ARID5B: variants seen among roughly 807,000 people sequenced by gnomAD.
ARID5B encodes the protein AT-rich interaction domain 5B, also known as AT-rich interactive domain-containing protein 5B.
A neutral mutation model predicts 97.2 loss-of-function variants in ARID5B; 13 were observed. The observed-to-expected ratio is 0.13, with a 90% CI of 0.09 to 0.21. The LOEUF (loss-of-function observed/expected upper bound fraction) is 0.21, where lower values mean the gene tolerates loss of function less well. ARID5B is among the 10% of genes least tolerant of loss of function. ARID5B has a pLI of 1.00. For synonymous variants in ARID5B, 556 were observed against 570.3 expected, an observed-to-expected ratio of 0.97 and a Z score of 0.36; for missense variants, 1,210 against 1,465.3, an observed-to-expected ratio of 0.83 and a Z score of 2.84.
At chr10:61,921,307 C>T (rs1844010362) in intron 2 of ARID5B, among the ~76,000 whole-genome samples, 1 of 152,186 alleles carries the variant, frequency 6.6e-6, no homozygotes, top group Non-Finnish European at 1.5e-5. Flanking sequence ...TCTCAAAGCT[C>T]CAGTCAAGGT....
At chr10:62,059,760 A>G (rs1000345756) in intron 7 of ARID5B, among the ~76,000 whole-genome samples, 4 of 152,218 alleles carry the variant, frequency 2.6e-5, no homozygotes, top group African/African-American at 9.6e-5. Flanking sequence ...GCTTTATTAG[A>G]CAAGGGTCAG....
intron 3 of ARID5B, among the ~76,000 whole-genome samples, chr10:61,965,190 T>A (rs1191215754): frequency 1.3e-5 from 2 of 151,914 alleles, no homozygotes; most frequent in Non-Finnish European, 2.9e-5. Flanking sequence ...GGGCAGGGTA[T>A]TTTTTTTATA....
chr10:61,971,132 A>G (rs1485085603), intron 3 of ARID5B, among the ~76,000 whole-genome samples: 1 of 152,180 alleles, frequency 6.6e-6, no homozygotes, highest in Non-Finnish European at 1.5e-5. Flanking sequence ...AGAGAAACAT[A>G]TTTGGTTTAC....
At chr10:61,921,711 T>C (rs1844018004) in intron 2 of ARID5B, among the ~76,000 whole-genome samples, 1 of 152,202 alleles carries the variant, frequency 6.6e-6, no homozygotes, top group Non-Finnish European at 1.5e-5. Flanking sequence ...CAGGGGACCA[T>C]CTTCGAGGCC....
intron 3 of ARID5B, among the ~76,000 whole-genome samples, chr10:61,998,771 G>A (rs1225711783): frequency 6.6e-6 from 1 of 152,184 alleles, no homozygotes; most frequent in African/African-American, 2.4e-5. Context: ...AACGTTAAAA[G>A]AGAGGAGTAT....
chr10:61,998,375 C>T lies in ARID5B; in HGVS notation c.503-1716C>T, dbSNP rs1010562099. On this transcript the variant is annotated intron_variant, in intron 3 of 9. Coordinates refer to ENST00000279873, the MANE Select transcript of ARID5B (RefSeq NM_032199.3). ...AGGGCTTGAAATATTGAGTGTTTTC[C>T]CTTTGGAGAAGCAAGTGACATGTCT... 2.6e-5 allele frequency among the ~76,000 whole-genome samples: 4 copies of T among 152,114 alleles called. No homozygotes were observed. The South Asian group carries it at 8.3e-4, about 32-fold the overall frequency.
intron 2 of ARID5B, among the ~76,000 whole-genome samples, chr10:61,915,822 C>G (rs1439625662): frequency 6.6e-6 from 1 of 152,192 alleles, no homozygotes; most frequent in Non-Finnish European, 1.5e-5. Context: ...ATGGCACGAT[C>G]TCAGCTCACT....
intron 7 of ARID5B, among the ~76,000 whole-genome samples, chr10:62,065,869 AAC>A (rs1839980858): frequency 6.6e-6 from 1 of 151,258 alleles, no homozygotes; most frequent in Non-Finnish European, 1.5e-5. Flanking sequence ...AAAAAAAGGA[AAC>A]AAAGAGCCAG....
intron 2 of ARID5B, among the ~76,000 whole-genome samples, chr10:61,934,323 C>A (rs924230745): frequency 6.6e-6 from 1 of 152,212 alleles, no homozygotes; most frequent in South Asian, 2.1e-4. Context: ...GCCTTCTTAT[C>A]ATTTGTATGC....
intron 4 of ARID5B, among the ~76,000 whole-genome samples, chr10:62,001,503 T>C (rs1352267357): frequency 6.6e-6 from 1 of 152,204 alleles, no homozygotes; most frequent in Non-Finnish European, 1.5e-5. Context: ...CTGCTTATCC[T>C]TTGCAGACCT....
At chr10:61,923,438 C>T (rs1434095685) in intron 2 of ARID5B, among the ~76,000 whole-genome samples, 1 of 152,210 alleles carries the variant, frequency 6.6e-6, no homozygotes, top group Non-Finnish European at 1.5e-5. Flanking sequence ...TGACTATCCG[C>T]TCTAGAGGAG....
rs12246337 is a variant in ARID5B at position 61,934,082 on chromosome 10, G to A, written c.277-6101G>A. Reference sequence around the variant, plus strand: ...CTACATCAGCATTTCCTGCTTTACCGTGTACTTGAAAGTTACAGAGGCAGC... The same window carrying A: ...CTACATCAGCATTTCCTGCTTTACCATGTACTTGAAAGTTACAGAGGCAGC... On this transcript the variant is annotated intron_variant, in intron 2 of 9. Coordinates refer to ENST00000279873, the MANE Select transcript of ARID5B (RefSeq NM_032199.3). Among the ~76,000 whole-genome samples, 233 of 152,264 alleles carry A rather than the reference G, an allele frequency of 1.5e-3. 1 individual carries two copies. Among genetic ancestry groups the A allele is most frequent in the African/African-American group, 5.3e-3 (219 of 41,544 alleles).
rs529615085 is a variant in ARID5B at position 62,087,910 on chromosome 10, G to C, written c.1398+2010G>C. On this transcript the variant is annotated intron_variant, in intron 9 of 9. Coordinates refer to ENST00000279873, the MANE Select transcript of ARID5B (RefSeq NM_032199.3). The stretch of plus-strand genomic sequence containing the variant: ...GACAGAGTCTCTCTCTGTCTCCCAG[G>C]CTAGAGTGCAGTGGTGCAATCTCGG... Among the ~76,000 whole-genome samples, 333 of 151,518 alleles carry C rather than the reference G, an allele frequency of 2.2e-3. 1 individual carries two copies. Among genetic ancestry groups the C allele is most frequent in the Non-Finnish European group, 3.3e-3 (224 of 67,902 alleles).
chr10:61,939,830 A>G (rs1016577112), intron 2 of ARID5B, among the ~76,000 whole-genome samples: 1 of 152,174 alleles, frequency 6.6e-6, no homozygotes, highest in Non-Finnish European at 1.5e-5. Context: ...CACTTTTTAC[A>G]TTTGCAATTA....
chr10:62,009,193 G>A (rs971005202), intron 4 of ARID5B, among the ~76,000 whole-genome samples: 1 of 152,184 alleles, frequency 6.6e-6, no homozygotes, highest in Non-Finnish European at 1.5e-5. Flanking sequence ...TGTTCCCTTA[G>A]GAAGTTGCCT....
rs1250148826 is a variant in ARID5B, at chr10:61,972,258, G to C, written c.503-27833G>C. Among the ~76,000 whole-genome samples the C allele has an allele frequency of 2.5e-5, 3 of 118,616 alleles. No homozygotes were observed. The East Asian group carries it at 7.3e-4, about 29-fold the overall frequency. The allele number at this position is 118,616 out of a possible 152,430, so 77.8% of individuals were successfully genotyped here. On this transcript the variant is annotated intron_variant, in intron 3 of 9. Transcript: ENST00000279873. Reference sequence around the variant, plus strand: ...TTTTTTTTTTTTGAGACAGAGTTTCGCTCTTGTAATCCAGGCTGGAGTGCA... The same window carrying C: ...TTTTTTTTTTTTGAGACAGAGTTTCCCTCTTGTAATCCAGGCTGGAGTGCA...
chr10:61,905,271 C>T (rs1182052872), intron 2 of ARID5B, among the ~76,000 whole-genome samples: 1 of 152,182 alleles, frequency 6.6e-6, no homozygotes, highest in Non-Finnish European at 1.5e-5. Flanking sequence ...CTGACATCAG[C>T]ATCCATTTCG....
intron 3 of ARID5B, among the ~76,000 whole-genome samples, chr10:61,941,404 C>G (rs1162989645): frequency 6.6e-6 from 1 of 151,286 alleles, no homozygotes; most frequent in Admixed American, 6.6e-5. Flanking sequence ...GTTATTTCCT[C>G]TTTAGGCAAA....
intron 2 of ARID5B, among the ~76,000 whole-genome samples, chr10:61,903,447 C>T (rs1338884753): frequency 6.6e-6 from 1 of 152,152 alleles, no homozygotes; most frequent in East Asian, 1.9e-4. Context: ...CTCAGCTGAC[C>T]GACCTCAGCG....
Sources: gnomAD v4.1 joint callset for allele counts (sites outside exome capture counted in the v4.1 genomes callset) on GRCh38, gnomAD v4.1.1 for gene constraint, MANE v1.5 for transcripts, NCBI Gene and HGNC (gene_info 2026-07-23, HGNC 2026-07-21) for gene names.